The following FNDC3A variants were observed in gnomAD, a reference collection of about 807,000 sequenced individuals.
The protein encoded by FNDC3A is fibronectin type III domain containing 3A, also known as fibronectin type-III domain-containing protein 3A.
FNDC3A carries 32 observed loss-of-function variants against 148.9 expected under a neutral mutation model. That is an observed-to-expected ratio of 0.21 (90% CI 0.16 to 0.29). The LOEUF (loss-of-function observed/expected upper bound fraction) is 0.29, where lower values mean the gene tolerates loss of function less well. Among genes scored for constraint, FNDC3A ranks in the 10% least tolerant of loss-of-function variants. FNDC3A has a pLI of 1.00. For synonymous variants in FNDC3A, 472 were observed against 473.6 expected (o/e 1.00, Z 0.04); for missense variants, 1,191 against 1,452.8 (o/e 0.82, Z 2.93).
chr13:49,096,383 A>C (rs2137827936), intron 3 of FNDC3A, among the ~76,000 whole-genome samples: 1 of 152,272 alleles, frequency 6.6e-6, no homozygotes, highest in South Asian at 2.1e-4. Flanking sequence ...AATGAATTTT[A>C]ATCAAATCCA....
At chr13:49,002,725 T>G (rs1952147448) in intron 1 of FNDC3A, among the ~76,000 whole-genome samples, 1 of 152,232 alleles carries the variant, frequency 6.6e-6, no homozygotes, top group African/African-American at 2.4e-5. Context: ...TGTGTGTTTT[T>G]CATGCATGTT....
intron 4 of FNDC3A, among the ~76,000 whole-genome samples, chr13:49,128,798 A>G (rs1393015026): frequency 1.3e-5 from 2 of 152,140 alleles, no homozygotes; most frequent in Admixed American, 6.5e-5. Flanking sequence ...AATCAGCCCC[A>G]CTTCTACCTT....
At chr13:49,110,985 C>T (rs542222080) in intron 3 of FNDC3A, among the ~76,000 whole-genome samples, 20 of 152,128 alleles carry the variant, frequency 1.3e-4, no homozygotes, top group Non-Finnish European at 2.8e-4. Flanking sequence ...TTAATAGCTC[C>T]ATGATTGGGG....
intron 14 of FNDC3A, among the ~76,000 whole-genome samples, chr13:49,184,245 T>C (rs558479654): frequency 7.0e-4 from 107 of 152,284 alleles, no homozygotes; most frequent in African/African-American, 2.5e-3. Context: ...GTGTGGAATT[T>C]AGATTTTATT....
At chr13:49,029,900 C>T (rs544272772) in intron 2 of FNDC3A, among the ~76,000 whole-genome samples, 41 of 151,946 alleles carry the variant, frequency 2.7e-4, no homozygotes, top group Non-Finnish European at 3.1e-4. Flanking sequence ...CAACCAAAAC[C>T]GAATCAAGAA....
intron 3 of FNDC3A, among the ~76,000 whole-genome samples, chr13:49,076,750 C>G (rs1014328849): frequency 2.6e-5 from 4 of 152,016 alleles, no homozygotes; most frequent in Non-Finnish European, 5.9e-5. Flanking sequence ...CCCCATCATA[C>G]CAATTATTGC....
At chr13:49,139,592 A>T (rs1179757537) in intron 7 of FNDC3A, among the ~76,000 whole-genome samples, 1 of 152,304 alleles carries the variant, frequency 6.6e-6, no homozygotes, top group East Asian at 1.9e-4. Context: ...CTAATAGACT[A>T]ATATGGTCCT....
intron 3 of FNDC3A, among the ~76,000 whole-genome samples, chr13:49,106,968 A>G (rs1035654134): frequency 5.9e-5 from 9 of 152,150 alleles, no homozygotes; most frequent in African/African-American, 2.2e-4. Context: ...TTTTGTAGGA[A>G]ATTATTTTTA....
chr13:49,136,707 A>T, intron 6 of FNDC3A, 106 bp downstream of exon 6: 1 of 1,124,210 alleles, frequency 8.9e-7, no homozygotes, highest in Non-Finnish European at 1.3e-6. Context: ...GTCCAAATAG[A>T]CTGTTACAGG....
In FNDC3A at chr13:49,131,289, T is replaced by C. The variant is rs767989864; in HGVS notation, c.405T>C (p.His135=). The C allele has an allele frequency of 2.6e-5, 42 of 1,613,938 alleles. No individual in the cohort carries two copies. In the South Asian group the frequency reaches 4.2e-4, roughly 16 times the overall value. The stretch of plus-strand genomic sequence containing the variant: ...CTATGATGCCGCCTCCACCACGTCA[T>C]ATGTACTCACCCGTGACTGGAGCTG... ...VPTMMPPPPR[H]MYSPVTGAGD... The change falls in exon 5 of 26, where the codon CAT becomes CAC. Residue 135 remains histidine, a synonymous_variant. Coordinates refer to ENST00000492622, the MANE Select transcript of FNDC3A (RefSeq NM_001079673.2).
At chr13:49,190,976 T>G (rs1201373889) in intron 17 of FNDC3A, 39 bp from the exon 18 acceptor site, 2 of 1,409,374 alleles carry the variant, frequency 1.4e-6, no homozygotes, top group South Asian at 1.2e-5. Flanking sequence ...TATTTGGTTT[T>G]GGGGCATTTT....
rs183790834 is a variant in FNDC3A at position 48,990,860 on chromosome 13, G to A, written c.-40+14683G>A. 2.0e-5 allele frequency among the ~76,000 whole-genome samples: 3 copies of A among 152,260 alleles called. No individual in the cohort carries two copies. In the East Asian group the frequency reaches 5.8e-4, roughly 29 times the overall value. On this transcript the variant is annotated intron_variant, in intron 1 of 25. Transcript: ENST00000492622. ...TGCAGATTTATTGTTGTAAGGTTCT[G>A]ATACATATTCCTGAAGTAGTGTATT...
intron 2 of FNDC3A, among the ~76,000 whole-genome samples, chr13:49,022,297 T>A (rs770445917): frequency 6.6e-6 from 1 of 152,128 alleles, no homozygotes; most frequent in African/African-American, 2.4e-5. Flanking sequence ...CTTTTTACAT[T>A]ACCTAAAACA....
chr13:49,053,674 C>T (rs1353461326), intron 2 of FNDC3A, among the ~76,000 whole-genome samples: 1 of 152,142 alleles, frequency 6.6e-6, no homozygotes, highest in African/African-American at 2.4e-5. Context: ...AAAGAAGCGT[C>T]TAGGTTAAGG....
chr13:49,097,330 CTT>C (rs976923441), intron 3 of FNDC3A, among the ~76,000 whole-genome samples: 1 of 150,166 alleles, frequency 6.7e-6, no homozygotes, highest in Admixed American at 6.6e-5. Flanking sequence ...AAAAAAAAAA[CTT>C]AGAATGAGGG....
intron 4 of FNDC3A, among the ~76,000 whole-genome samples, chr13:49,123,417 C>G (rs1481268387): frequency 6.6e-6 from 1 of 152,076 alleles, no homozygotes; most frequent in Non-Finnish European, 1.5e-5. Flanking sequence ...CTAGGCAATA[C>G]CATTCAGGAC....
intron 3 of FNDC3A, among the ~76,000 whole-genome samples, chr13:49,107,789 T>C (rs1043410105): frequency 1.3e-5 from 2 of 152,152 alleles, no homozygotes; most frequent in African/African-American, 2.4e-5. Flanking sequence ...AGGGAAAGAT[T>C]CATGAAAGGA....
At position 49,207,596 on chromosome 13, in the gene FNDC3A, TG is replaced by T. The variant is rs1886712823; in HGVS notation, c.*202del. On this transcript the variant is annotated 3_prime_UTR_variant, in exon 26 of 26. Coordinates refer to ENST00000492622, the MANE Select transcript of FNDC3A (RefSeq NM_001079673.2). ...ATGCAAGCCACAAAAATATCAATTT[TG>T]TTTTTTTTGTTAGGGTGGGTCTTCT... 6.7e-6 allele frequency: 3 copies of T among 447,216 alleles called. No individual in the cohort carries two copies. The highest frequency in any genetic ancestry group is 1.2e-5 in the Non-Finnish European group (3 of 253,134). The allele number at this position is 447,216 out of a possible 1,614,324, so 27.7% of individuals were successfully genotyped here.
chr13:49,009,236 G>A (rs1952286725), intron 2 of FNDC3A, among the ~76,000 whole-genome samples: 1 of 152,096 alleles, frequency 6.6e-6, no homozygotes, highest in Non-Finnish European at 1.5e-5. Flanking sequence ...AGCCCTTTCA[G>A]ACTGGCTTCT....
Sources: gnomAD v4.1 joint callset for allele counts (sites outside exome capture counted in the v4.1 genomes callset) on GRCh38, gnomAD v4.1.1 for gene constraint, MANE v1.5 for transcripts, NCBI Gene and HGNC (gene_info 2026-07-23, HGNC 2026-07-21) for gene names.